AUTS2: variants seen among roughly 807,000 people sequenced by gnomAD.
AUTS2 encodes the protein autism susceptibility gene 2 protein.
In AUTS2, 17 loss-of-function variants were observed where a neutral mutation model predicts 112.4. The ratio of observed to expected loss-of-function variants is 0.15; its 90% CI spans 0.10 to 0.23. AUTS2 has a LOEUF of 0.23. Ranked by LOEUF, AUTS2 falls within the 10% of genes least tolerant of loss-of-function variation. The pLI, the probability that AUTS2 is intolerant of heterozygous loss-of-function variation, is 1.00. For missense variants in AUTS2, 1,510 were observed against 1,701.6 expected (o/e 0.89, Z 1.98); for synonymous variants, 751 against 702.7 (o/e 1.07, Z -1.09).
intron 5 of AUTS2, among the ~76,000 whole-genome samples, chr7:70,451,724 T>C (rs1166975171): frequency 1.3e-5 from 2 of 152,214 alleles, no homozygotes; most frequent in Admixed American, 1.3e-4. Flanking sequence ...AATGCTTTGG[T>C]GATAATATCC....
intron 1 of AUTS2, among the ~76,000 whole-genome samples, chr7:69,667,609 G>A (rs1796124389): frequency 6.6e-6 from 1 of 152,070 alleles, no homozygotes; most frequent in South Asian, 2.1e-4. Context: ...GCCTGCCTTG[G>A]CCTCCCAAAG....
intron 5 of AUTS2, among the ~76,000 whole-genome samples, chr7:70,585,182 A>T (rs904721812): frequency 3.9e-5 from 6 of 152,178 alleles, no homozygotes; most frequent in Non-Finnish European, 8.8e-5. Context: ...AAAGCAGTGG[A>T]GAGCCCTGAC....
At chr7:70,484,569 G>A (rs934797353) in intron 5 of AUTS2, among the ~76,000 whole-genome samples, 3 of 152,156 alleles carry the variant, frequency 2.0e-5, no homozygotes, top group African/African-American at 7.2e-5. Flanking sequence ...GGATAATTAT[G>A]CCCTCCCCAG....
intron 2 of AUTS2, among the ~76,000 whole-genome samples, chr7:70,036,486 T>C (rs891087321): frequency 6.6e-6 from 1 of 152,240 alleles, no homozygotes. Flanking sequence ...TGGTTTAATA[T>C]TGTTTCTATC....
intron 5 of AUTS2, among the ~76,000 whole-genome samples, chr7:70,450,276 G>C (rs1426198740): frequency 6.6e-6 from 1 of 152,176 alleles, no homozygotes; most frequent in East Asian, 1.9e-4. Context: ...GAGGTACCTA[G>C]ATGAATTACA....
intron 5 of AUTS2, among the ~76,000 whole-genome samples, chr7:70,493,782 A>C (rs1001806672): frequency 2.0e-5 from 3 of 152,126 alleles, no homozygotes; most frequent in South Asian, 2.1e-4. Context: ...CTTTCTTGGA[A>C]GGTCTACTAA....
chr7:70,139,734 T>A (rs963486206), intron 4 of AUTS2, among the ~76,000 whole-genome samples: 4 of 152,208 alleles, frequency 2.6e-5, no homozygotes, highest in African/African-American at 9.6e-5. Context: ...GCACGGTGGC[T>A]CATGCCTATA....
chr7:70,327,156 G>C (rs1043020955), intron 4 of AUTS2, among the ~76,000 whole-genome samples: 3 of 152,120 alleles, frequency 2.0e-5, no homozygotes, highest in Admixed American at 1.3e-4. Context: ...GACCTCAGGT[G>C]ATCTGCCCGC....
intron 4 of AUTS2, among the ~76,000 whole-genome samples, chr7:70,287,244 C>T (rs1788501326): frequency 6.6e-6 from 1 of 152,142 alleles, no homozygotes; most frequent in Non-Finnish European, 1.5e-5. Flanking sequence ...GGGTGTGGTC[C>T]TATGATGGGT....
chr7:69,883,312 G>A (rs1794138296), intron 1 of AUTS2, among the ~76,000 whole-genome samples: 1 of 151,218 alleles, frequency 6.6e-6, no homozygotes, highest in African/African-American at 2.4e-5. Flanking sequence ...TAGCAGGCAG[G>A]AAGATATTCT....
chr7:69,726,555 G>T (rs1206209778), intron 1 of AUTS2, among the ~76,000 whole-genome samples: 1 of 148,498 alleles, frequency 6.7e-6, no homozygotes, highest in African/African-American at 2.5e-5. Flanking sequence ...TTTTTTTAAC[G>T]TAAGTGCCTA....
chr7:69,784,265 C>T (rs1789269455), intron 1 of AUTS2, among the ~76,000 whole-genome samples: 1 of 152,156 alleles, frequency 6.6e-6, no homozygotes, highest in Non-Finnish European at 1.5e-5. Context: ...AAGTCAGTAC[C>T]CAGTTGCCAC....
intron 2 of AUTS2, among the ~76,000 whole-genome samples, chr7:69,918,047 T>C (rs1795661884): frequency 6.6e-6 from 1 of 152,128 alleles, no homozygotes; most frequent in Admixed American, 6.6e-5. Flanking sequence ...TTCACCATGT[T>C]GGCCAGGATG....
chr7:70,328,827 C>G (rs1283880908), intron 4 of AUTS2, among the ~76,000 whole-genome samples: 2 of 152,136 alleles, frequency 1.3e-5, no homozygotes, highest in Non-Finnish European at 2.9e-5. Context: ...TTAAAGTGAA[C>G]AGTTCAGTAG....
At chr7:70,551,113 G>A (rs912723881) in intron 5 of AUTS2, among the ~76,000 whole-genome samples, 14 of 152,036 alleles carry the variant, frequency 9.2e-5, no homozygotes, top group African/African-American at 2.9e-4. Flanking sequence ...AGGAAGCATC[G>A]GATTATAACC....
At chr7:70,025,795 T>TA (rs1800494298) in intron 2 of AUTS2, among the ~76,000 whole-genome samples, 1 of 150,792 alleles carries the variant, frequency 6.6e-6, no homozygotes, top group East Asian at 1.9e-4. Flanking sequence ...TTTTTTTTTT[T>TA]AATAGGATGC....
intron 4 of AUTS2, among the ~76,000 whole-genome samples, chr7:70,335,217 C>T (rs910244621): frequency 6.6e-6 from 1 of 152,152 alleles, no homozygotes; most frequent in Admixed American, 6.5e-5. Flanking sequence ...TGTGTGTCCC[C>T]AAGCCTTTTC....
In AUTS2 at chr7:70,554,393, CTTTTTTT is replaced by C. The variant is rs34757734; in HGVS notation, c.690+118626_690+118632del. ...CTCTTTTTTTTCTTTTCTTTTCTTT[CTTTTTTT>C]TTTTTTTTTTTTTGAAACGAGGTCA... On this transcript the variant is annotated intron_variant, in intron 5 of 18. Transcript: ENST00000342771. Among the ~76,000 whole-genome samples the C allele has an allele frequency of 5.1e-3, 590 of 116,056 alleles. 1 individual carries two copies. Among genetic ancestry groups the C allele is most frequent in the African/African-American group, 0.012 (336 of 29,012 alleles). The allele number at this position is 116,056 out of a possible 152,430, so 76.1% of individuals were successfully genotyped here.
intron 2 of AUTS2, among the ~76,000 whole-genome samples, chr7:70,009,691 G>A (rs990524061): frequency 3.3e-5 from 5 of 151,894 alleles, no homozygotes; most frequent in Admixed American, 6.6e-5. Flanking sequence ...TTCTTTAATC[G>A]GATTCTCATA....
Sources: gnomAD v4.1 joint callset for allele counts (sites outside exome capture counted in the v4.1 genomes callset) on GRCh38, gnomAD v4.1.1 for gene constraint, MANE v1.5 for transcripts, NCBI Gene and HGNC (gene_info 2026-07-23, HGNC 2026-07-21) for gene names.